Variants in MOGAT3 observed in about 807,000 individuals in gnomAD.
The protein encoded by MOGAT3 is monoacylglycerol O-acyltransferase 3.
In MOGAT3, 39 loss-of-function variants were observed where a neutral mutation model predicts 34.4. The observed-to-expected ratio is 1.13, with a 90% CI of 0.88 to 1.48. MOGAT3 has a LOEUF of 1.48. Ranked by LOEUF, MOGAT3 falls within the 40% of genes most tolerant of loss-of-function variation. The pLI is 0.00. For missense variants in MOGAT3, 439 were observed against 438.9 expected (o/e 1.00, Z 0.00); for synonymous variants, 209 against 179.2 (o/e 1.17, Z -1.33).
In MOGAT3 at chr7:101,198,723, A is replaced by G; in HGVS notation, c.396T>C (p.Asn132=). Residue 132 remains asparagine, a synonymous_variant, in exon 4 of 7, where the codon AAT becomes AAC. Coordinates refer to ENST00000223114, the MANE Select transcript of MOGAT3 (RefSeq NM_178176.4). Reference sequence around the variant, plus strand: ...GCCCCGGGAAGAGCTGGGAGAAGCCATTGCTCTCGGTGGAGAAATTACAGA... The same window carrying G: ...GCCCCGGGAAGAGCTGGGAGAAGCCGTTGCTCTCGGTGGAGAAATTACAGA... ...GFLCNFSTES[N]GFSQLFPGLR... is the part of the protein sequence containing the mutation. The G allele has an allele frequency of 6.2e-7, 1 of 1,613,444 alleles. No homozygotes were observed. The highest frequency in any genetic ancestry group is 8.5e-7 in the Non-Finnish European group (1 of 1,179,930).
In MOGAT3 at chr7:101,200,933, A is replaced by G. The variant is rs1432061019; in HGVS notation, c.-79T>C. 4 of 1,212,952 alleles carry G rather than the reference A, an allele frequency of 3.3e-6. No homozygotes were observed. The East Asian group carries it at 7.4e-5, about 22-fold the overall frequency. 75.1% of individuals were successfully genotyped at this position (1,212,952 alleles called of 1,614,324 possible). A position where few individuals can be genotyped will look rare whatever the true frequency, so the allele number is the denominator to read the frequency against. On this transcript the variant is annotated 5_prime_UTR_variant, in exon 1 of 7. Transcript: ENST00000223114. ...AAGGCTTGGATGTGGACCTGGGCAG[A>G]CTTTCTCCCTACAGGAGCCCAGCTT...
Position 101,200,947 on chromosome 7 carries a change from G to A in MOGAT3, c.-93C>T. The stretch of plus-strand genomic sequence containing the variant: ...GACCTGGGCAGACTTTCTCCCTACA[G>A]GAGCCCAGCTTTGGGGGCCTGGCTA... On this transcript the variant is annotated 5_prime_UTR_variant, in exon 1 of 7. Coordinates refer to ENST00000223114, the MANE Select transcript of MOGAT3 (RefSeq NM_178176.4). The A allele has an allele frequency of 9.7e-7, 1 of 1,031,686 alleles. No individual in the cohort carries two copies. Among genetic ancestry groups the A allele is most frequent in the Non-Finnish European group, 1.4e-6 (1 of 702,044 alleles). The allele number at this position is 1,031,686 out of a possible 1,614,324, so 63.9% of individuals were successfully genotyped here.
chr7:101,196,523 G>A, intron 5 of MOGAT3, 134 bp from the exon 6 acceptor site: 1 of 605,728 alleles, frequency 1.7e-6, no homozygotes, highest in Non-Finnish European at 2.9e-6. Flanking sequence ...CATGACTATG[G>A]CTACAAAGAA....
In MOGAT3 at chr7:101,200,412, G is replaced by T. The variant is rs755713174; in HGVS notation, c.213C>A (p.Asn71Lys). 1.9e-5 allele frequency: 31 copies of T among 1,613,212 alleles called. 1 individual carries two copies. The South Asian group carries it at 2.7e-4, about 14-fold the overall frequency. ...VWLYVDWDTP[N>K]QGGRRSEWIR... ...GGGCCCCCATCCGGAGCTCACCTTGGTTGGGTGTGTCCCAGTCCACATAGA... is the reference window on the plus strand; with the variant it reads ...GGGCCCCCATCCGGAGCTCACCTTGTTTGGGTGTGTCCCAGTCCACATAGA... The change falls in exon 2 of 7, where the codon AAC becomes AAA. Residue 71 changes from asparagine (N) to lysine (K), a missense_variant. By Grantham distance (94) the Asn-to-Lys change is moderately conservative. Transcript: ENST00000223114.
At chr7:101,193,569 C>T (rs544083062), downstream of MOGAT3, among the ~76,000 whole-genome samples, 37 of 152,126 alleles carry the variant, frequency 2.4e-4, no homozygotes, top group African/African-American at 8.4e-4. Context: ...GTTGGGATTA[C>T]AGACACCTGC....
rs575094769 is a variant in MOGAT3, at chr7:101,200,824, T to C, written c.31A>G (p.Thr11Ala). Residue 11 changes from threonine to alanine, a missense_variant, in exon 1 of 7, where the codon ACC (threonine) becomes GCC (alanine). Physicochemically the swap from Thr to Ala is moderately conservative, Grantham distance 58. Transcript: ENST00000223114. ...TGCTTCTGCAAGGTTTTGGAAGTGG[T>C]TGGGGGCTGCAGGGTTGTGGCAACT... MGVATTLQPP[T>A]TSKTLQKQHL... 112 of 1,613,998 alleles carry C rather than the reference T, an allele frequency of 6.9e-5. No homozygotes were observed. In the South Asian group the frequency reaches 1.1e-3, roughly 16 times the overall value.
At chr7:101,198,511 C>G (rs1797861461) in intron 4 of MOGAT3, 115 bp downstream of exon 4, 2 of 1,329,060 alleles carry the variant, frequency 1.5e-6, no homozygotes, top group East Asian at 2.5e-5. Flanking sequence ...GGGCAGTGCT[C>G]AGGCTGGCCC....
downstream of MOGAT3, among the ~76,000 whole-genome samples, chr7:101,194,289 G>A (rs1797733212): frequency 6.6e-6 from 1 of 151,922 alleles, no homozygotes; most frequent in African/African-American, 2.4e-5. Flanking sequence ...CCGTGTTCAA[G>A]CAATTCTCCT....
rs1797746885 is a variant in MOGAT3 at position 101,195,204 on chromosome 7, TATAGCTTTA to T, written c.*733_*741del. On this transcript the variant is annotated 3_prime_UTR_variant, in exon 7 of 7. Coordinates refer to ENST00000223114, the MANE Select transcript of MOGAT3 (RefSeq NM_178176.4). The stretch of plus-strand genomic sequence containing the variant: ...TGGCCATGTTCACTTCCAGAACGAT[TATAGCTTTA>T]ACAACATTTTTTTTTTTTTGAGATG... The T allele has an allele frequency of 6.6e-6, 1 of 152,158 alleles. No homozygotes were observed. Among genetic ancestry groups the T allele is most frequent in the African/African-American group, 2.4e-5 (1 of 41,344 alleles). The allele number at this position is 152,158 out of a possible 1,614,324, so 9.4% of individuals were successfully genotyped here.
intron 3 of MOGAT3, among the ~76,000 whole-genome samples, chr7:101,199,197 G>T (rs1373899175): frequency 6.6e-6 from 1 of 151,850 alleles, no homozygotes; most frequent in Admixed American, 6.6e-5. Context: ...TAGTAGAGAC[G>T]CAGTTTCACC....
At chr7:101,197,106 A>C (rs143182641) in intron 5 of MOGAT3, among the ~76,000 whole-genome samples, 1,604 of 152,294 alleles carry the variant, frequency 0.011, 12 homozygotes, top group Non-Finnish European at 0.016. Flanking sequence ...AGATCACACC[A>C]CTGCACTCCA....
chr7:101,196,228 G>A lies in MOGAT3; in HGVS notation c.830C>T (p.Ser277Phe), dbSNP rs1468138437. 1 of 1,592,140 alleles carries A rather than the reference G, an allele frequency of 6.3e-7. No individual in the cohort carries two copies. The highest frequency in any genetic ancestry group is 8.6e-7 in the Non-Finnish European group (1 of 1,169,064). The change falls in exon 6 of 7, where the codon TCC becomes TTC. Residue 277 changes from serine to phenylalanine, a missense_variant. Physicochemically the swap from Ser to Phe is radical, Grantham distance 155. Transcript: ENST00000223114. ...FWGRGLFSAT[S>F]WGLLPFAVPI... ...CACAGCAAAGGGCAGCAGGCCCCAG[G>A]AGGTGGCTGAGAAGAGACCGCGACC... is the stretch of plus-strand genomic sequence containing the variant.
intron 2 of MOGAT3, 41 bp downstream of exon 2, chr7:101,200,367 C>T: frequency 6.2e-7 from 1 of 1,609,580 alleles, no homozygotes; most frequent in East Asian, 2.2e-5. Context: ...CCCCCATGTC[C>T]CCACCATCTC....
At chr7:101,198,453 C>A in intron 4 of MOGAT3, 88 bp from the exon 5 acceptor site, 5 of 1,407,904 alleles carry the variant, frequency 3.6e-6, no homozygotes, top group Non-Finnish European at 4.7e-6. Flanking sequence ...AAGCCCCCTA[C>A]CCCCATCTCC....
rs1426246049 is a variant in MOGAT3 at position 101,200,509 on chromosome 7, A to C, written c.116T>G (p.Phe39Cys). The change falls in exon 2 of 7, where the codon TTC becomes TGC. Residue 39 changes from phenylalanine to cysteine, a missense_variant. Phe to Cys is a radical substitution (Grantham distance 205). Transcript: ENST00000223114. ...GAGGACAAAGACAAGAAGGGAGAAG[A>C]AAGGGCCTGGGGGAAGGGAGAGAAA... ...YVLTFLFMGPFFSLLVFVLLF... is the reference protein window; with the variant it reads ...YVLTFLFMGPCFSLLVFVLLF... 6.3e-7 allele frequency: 1 copy of C among 1,590,802 alleles called. No individual in the cohort carries two copies. The highest frequency in any genetic ancestry group is 1.8e-5 in the Admixed American group (1 of 55,566).
chr7:101,198,014 C>T (rs1797841097), intron 5 of MOGAT3, among the ~76,000 whole-genome samples, 177 bp downstream of exon 5: 1 of 152,222 alleles, frequency 6.6e-6, no homozygotes, highest in Admixed American at 6.5e-5. Context: ...TTAGGGTAAG[C>T]GGGCCCCATG....
chr7:101,196,245 A>G lies in MOGAT3; in HGVS notation c.813T>C (p.Gly271=). ...GFSPCIFWGR[G]LFSATSWGLL... ...GGCCCCAGGAGGTGGCTGAGAAGAG[A>G]CCGCGACCCCAGAAGATGCAAGGAG... The change falls in exon 6 of 7, where the codon GGT becomes GGC. Residue 271 remains glycine, a synonymous_variant. Coordinates refer to ENST00000223114, the MANE Select transcript of MOGAT3 (RefSeq NM_178176.4). 6.2e-7 allele frequency: 1 copy of G among 1,601,182 alleles called. No homozygotes were observed. The highest frequency in any genetic ancestry group is 8.5e-7 in the Non-Finnish European group (1 of 1,173,846).
At chr7:101,197,578 G>A (rs1312963016) in intron 5 of MOGAT3, among the ~76,000 whole-genome samples, 1 of 152,238 alleles carries the variant, frequency 6.6e-6, no homozygotes, top group Non-Finnish European at 1.5e-5. Context: ...ATCGTGGCAA[G>A]GTAGGTATCA....
In MOGAT3 at chr7:101,199,613, CCT is replaced by C. The variant is rs1491093471; in HGVS notation, c.288+619_288+620del. ...TTAAAGGCTTGAGCCACCACAACCG[CCT>C]TTTTTTTTTTTTTTTTTTAGAGACG... On this transcript the variant is annotated intron_variant, in intron 3 of 6. Coordinates refer to ENST00000223114, the MANE Select transcript of MOGAT3 (RefSeq NM_178176.4). Among the ~76,000 whole-genome samples the C allele has an allele frequency of 5.3e-3, 523 of 98,588 alleles. 4 individuals carry two copies. Among genetic ancestry groups the C allele is most frequent in the South Asian group, 0.023 (65 of 2,770 alleles). The allele number at this position is 98,588 out of a possible 152,430, so 64.7% of individuals were successfully genotyped here. A position where few individuals can be genotyped will look rare whatever the true frequency, so the allele number is the denominator to read the frequency against.
Sources: gnomAD v4.1 joint callset for allele counts (sites outside exome capture counted in the v4.1 genomes callset) on GRCh38, gnomAD v4.1.1 for gene constraint, MANE v1.5 for transcripts, NCBI Gene and HGNC (gene_info 2026-07-23, HGNC 2026-07-21) for gene names.